GTF2A1L: variants seen among roughly 807,000 people sequenced by gnomAD.
GTF2A1L encodes TFIIA-alpha and beta-like factor.
In GTF2A1L, 48 loss-of-function variants were observed where a neutral mutation model predicts 49.7. The ratio of observed to expected loss-of-function variants is 0.97; its 90% CI spans 0.77 to 1.23. GTF2A1L has a LOEUF of 1.23. Ranked by LOEUF, GTF2A1L falls within the 50% of genes most tolerant of loss-of-function variation. The pLI is 0.00. For synonymous variants in GTF2A1L, 246 were observed against 193.5 expected, an observed-to-expected ratio of 1.27 and a Z score of -2.25; for missense variants, 736 against 564.8, an observed-to-expected ratio of 1.30 and a Z score of -3.07.
chr2:48,655,240 T>G (rs1678106025), intron 6 of GTF2A1L, among the ~76,000 whole-genome samples: 1 of 152,100 alleles, frequency 6.6e-6, no homozygotes, highest in South Asian at 2.1e-4. Flanking sequence ...TATTTCATGG[T>G]TTTTGGTGCT....
At chr2:48,676,382 A>G (rs1679467193) in intron 8 of GTF2A1L, among the ~76,000 whole-genome samples, 1 of 151,868 alleles carries the variant, frequency 6.6e-6, no homozygotes, top group Admixed American at 6.6e-5. Context: ...TCTGGGTCAA[A>G]GGGCAAATGT....
At chr2:48,668,779 G>C (rs1400486242) in intron 6 of GTF2A1L, 1 of 152,006 alleles carries the variant, frequency 6.6e-6, no homozygotes, top group African/African-American at 2.4e-5. Flanking sequence ...AGCTTGCAGT[G>C]AGCCGAGAAC....
intron 6 of GTF2A1L, among the ~76,000 whole-genome samples, chr2:48,659,630 G>C (rs1415665609): frequency 6.6e-6 from 1 of 151,716 alleles, no homozygotes; most frequent in African/African-American, 2.4e-5. Context: ...ATTGATTTTT[G>C]TCTTTATTTT....
chr2:48,671,672 TATG>T lies in GTF2A1L; in HGVS notation c.1324_1326del (p.Asp442del), dbSNP rs1558773525. The T allele has an allele frequency of 6.2e-7, 1 of 1,613,188 alleles. No individual in the cohort carries two copies. Among genetic ancestry groups the T allele is most frequent in the East Asian group, 2.2e-5 (1 of 44,858 alleles). On this transcript the variant is annotated inframe_deletion, in exon 8 of 9. Transcript: ENST00000403751. ...CACGGATAATGTTATTGTCTGTCAGTATGATAAGGTACTGTATTTACCTTTTGG... is the reference window on the plus strand; with the variant it reads ...CACGGATAATGTTATTGTCTGTCAGTATAAGGTACTGTATTTACCTTTTGG...
chr2:48,640,036 G>GAA (rs1677116216), intron 3 of GTF2A1L, among the ~76,000 whole-genome samples: 1 of 152,154 alleles, frequency 6.6e-6, no homozygotes, highest in East Asian at 1.9e-4. Context: ...TTGTTAAAAA[G>GAA]TAAAAAATGA....
chr2:48,622,602 C>G (rs1676066645), intron 3 of GTF2A1L, among the ~76,000 whole-genome samples: 1 of 152,072 alleles, frequency 6.6e-6, no homozygotes. Flanking sequence ...GGGTGGATCA[C>G]CTGAGGTCAG....
intron 6 of GTF2A1L, among the ~76,000 whole-genome samples, chr2:48,663,196 G>A (rs1678620371): frequency 6.6e-6 from 1 of 152,198 alleles, no homozygotes; most frequent in Non-Finnish European, 1.5e-5. Flanking sequence ...TACTTTGGGA[G>A]GCTGAGGAAG....
intron 6 of GTF2A1L, among the ~76,000 whole-genome samples, chr2:48,666,419 C>T (rs1407526062): frequency 6.6e-6 from 1 of 152,092 alleles, no homozygotes; most frequent in African/African-American, 2.4e-5. Flanking sequence ...CCATATTGAC[C>T]AGACTGGTCT....
intron 6 of GTF2A1L, among the ~76,000 whole-genome samples, chr2:48,655,487 C>T (rs560846429): frequency 4.2e-4 from 64 of 151,972 alleles, no homozygotes; most frequent in Non-Finnish European, 7.6e-4. Flanking sequence ...GCCACCATGC[C>T]CAGCCTAAAA....
intron 3 of GTF2A1L, among the ~76,000 whole-genome samples, chr2:48,626,645 T>G (rs936833814): frequency 6.9e-6 from 1 of 144,088 alleles, no homozygotes; most frequent in Non-Finnish European, 1.6e-5. Context: ...CAACCTTGGC[T>G]CACTGCAGCC....
At chr2:48,656,117 A>T (rs191057427) in intron 6 of GTF2A1L, among the ~76,000 whole-genome samples, 2 of 152,262 alleles carry the variant, frequency 1.3e-5, no homozygotes, top group Non-Finnish European at 2.9e-5. Flanking sequence ...GCTTTTGGCT[A>T]TTGTGAATAA....
chr2:48,620,991 TG>T (rs1296811025), intron 2 of GTF2A1L, 39 bp downstream of exon 2: 7 of 1,585,410 alleles, frequency 4.4e-6, no homozygotes, highest in Non-Finnish European at 5.1e-6. Context: ...TGTCTTTTGT[TG>T]TTTTTTTCAG....
intron 6 of GTF2A1L, among the ~76,000 whole-genome samples, chr2:48,664,828 C>T (rs1252663822): frequency 1.3e-5 from 2 of 152,070 alleles, no homozygotes; most frequent in Non-Finnish European, 2.9e-5. Context: ...ATGTAACATC[C>T]CTTCTTTAAT....
intron 3 of GTF2A1L, among the ~76,000 whole-genome samples, chr2:48,639,938 AT>A (rs1677110765): frequency 6.6e-6 from 1 of 152,236 alleles, no homozygotes; most frequent in Admixed American, 6.5e-5. Flanking sequence ...CAACAAGCAT[AT>A]GAAAAAAAGC....
At chr2:48,634,255 G>A (rs1364904268) in intron 3 of GTF2A1L, among the ~76,000 whole-genome samples, 2 of 152,142 alleles carry the variant, frequency 1.3e-5, no homozygotes, top group African/African-American at 2.4e-5. Context: ...GGGATGGCAG[G>A]CGAGCATAAC....
intron 6 of GTF2A1L, among the ~76,000 whole-genome samples, chr2:48,660,739 C>G (rs1406239228): frequency 1.3e-5 from 2 of 152,006 alleles, no homozygotes; most frequent in African/African-American, 4.8e-5. Flanking sequence ...CTCCTGAGTT[C>G]AAATGATTCT....
At chr2:48,656,368 T>G (rs537068239) in intron 6 of GTF2A1L, among the ~76,000 whole-genome samples, 6,967 of 149,332 alleles carry the variant, frequency 0.047, 624 homozygotes, top group African/African-American at 0.16. Context: ...TTTTTTTTTT[T>G]TTTTTTTTTA....
At chr2:48,623,368 C>T (rs189854792) in intron 3 of GTF2A1L, among the ~76,000 whole-genome samples, 80 of 152,214 alleles carry the variant, frequency 5.3e-4, no homozygotes, top group Admixed American at 2.5e-3. Context: ...CAGTCAAAAT[C>T]ACAATGAGAT....
chr2:48,640,182 C>G (rs900691388), intron 3 of GTF2A1L, among the ~76,000 whole-genome samples: 1 of 152,132 alleles, frequency 6.6e-6, no homozygotes, highest in Non-Finnish European at 1.5e-5. Context: ...TTTGACCCAG[C>G]AATCTCATTA....
Sources: gnomAD v4.1 joint callset for allele counts (sites outside exome capture counted in the v4.1 genomes callset) on GRCh38, gnomAD v4.1.1 for gene constraint, MANE v1.5 for transcripts, NCBI Gene and HGNC (gene_info 2026-07-23, HGNC 2026-07-21) for gene names.